Variants in TMPRSS9 observed in about 807,000 individuals in gnomAD.
The protein encoded by TMPRSS9 is transmembrane protease serine 9.
In TMPRSS9, 113 loss-of-function variants were observed where a neutral mutation model predicts 111.4. The observed-to-expected ratio is 1.01, with a 90% CI of 0.87 to 1.19. The LOEUF (loss-of-function observed/expected upper bound fraction) is 1.19, where lower values mean the gene tolerates loss of function less well. TMPRSS9 is among the 50% of genes most tolerant of loss of function. TMPRSS9 has a pLI of 0.00. For missense variants in TMPRSS9, 1,803 were observed against 1,513.1 expected, an observed-to-expected ratio of 1.19 and a Z score of -3.18; for synonymous variants, 805 against 659.1, an observed-to-expected ratio of 1.22 and a Z score of -3.39.
chr19:2,380,211 G>T (rs752961183), intron 1 of TMPRSS9, among the ~76,000 whole-genome samples: 6 of 152,014 alleles, frequency 3.9e-5, no homozygotes, highest in African/African-American at 7.3e-5. Flanking sequence ...TTGAGCCCAA[G>T]AAATCGAGGC....
At chr19:2,381,993 C>G (rs987499350) in intron 1 of TMPRSS9, among the ~76,000 whole-genome samples, 3 of 152,126 alleles carry the variant, frequency 2.0e-5, no homozygotes, top group African/African-American at 7.2e-5. Flanking sequence ...CAGGCGTGTG[C>G]CATCACGCCC....
rs1971335690 is a variant in TMPRSS9 at position 2,418,414 on chromosome 19, C to CTT, written c.2154+277_2154+278dup. Among the ~76,000 whole-genome samples the CTT allele has an allele frequency of 5.0e-5, 2 of 39,770 alleles. 1 individual carries two copies. The highest frequency in any genetic ancestry group is 2.7e-4 in the African/African-American group (2 of 7,348). The allele number at this position is 39,770 out of a possible 152,430, so 26.1% of individuals were successfully genotyped here. On this transcript the variant is annotated intron_variant, in intron 13 of 17. Transcript: ENST00000648592. ...CCCTCCCTGGCCTTTCCTTCCATTC[C>CTT]TTCCCTCCCTCCCTTTCCTTCCCTC...
At chr19:2,409,352 C>T (rs945574247) in intron 8 of TMPRSS9, among the ~76,000 whole-genome samples, 2 of 151,874 alleles carry the variant, frequency 1.3e-5, no homozygotes, top group Admixed American at 6.6e-5. Flanking sequence ...CCGTGTTGGC[C>T]GGGCTGGTCT....
chr19:2,403,170 C>T (rs760233546), exon 6 of TMPRSS9: 15 of 1,610,740 alleles, frequency 9.3e-6, no homozygotes, highest in South Asian at 4.5e-5. Flanking sequence ...AGGACTGCTC[C>T]GATGGGTCCG....
In TMPRSS9 at chr19:2,421,442, C is replaced by T. The variant is rs542625204; in HGVS notation, c.2155-412C>T. Among the ~76,000 whole-genome samples, 537 of 151,852 alleles carry T rather than the reference C, an allele frequency of 3.5e-3. 2 individuals are homozygous for T. Among genetic ancestry groups the T allele is most frequent in the Middle Eastern group, 6.8e-3 (2 of 294 alleles). Reference sequence around the variant, plus strand: ...TAGGTGGAACTACAGGCGCCCACCACCACGCCCAGCTAATTTTTGTATTTT... The same window carrying T: ...TAGGTGGAACTACAGGCGCCCACCATCACGCCCAGCTAATTTTTGTATTTT... On this transcript the variant is annotated intron_variant, in intron 13 of 17. Coordinates refer to ENST00000648592, the Ensembl canonical transcript of TMPRSS9.
At chr19:2,405,584 G>C (rs775155152) in intron 7 of TMPRSS9, 39 bp downstream of exon 8, 2 of 1,468,634 alleles carry the variant, frequency 1.4e-6, no homozygotes, top group Non-Finnish European at 1.8e-6. Flanking sequence ...CGAACCCTCT[G>C]TATTTCTCCT....
chr19:2,365,964 A>AAAAT (rs1048158811), intron 1 of TMPRSS9, among the ~76,000 whole-genome samples: 1 of 151,968 alleles, frequency 6.6e-6, no homozygotes, highest in Non-Finnish European at 1.5e-5. Flanking sequence ...ATTCTGTCTC[A>AAAAT]AAATAAATAA....
At chr19:2,420,286 C>T (rs62122261) in intron 13 of TMPRSS9, among the ~76,000 whole-genome samples, 24,298 of 151,890 alleles carry the variant, frequency 0.16, 2,193 homozygotes, top group Middle Eastern at 0.2. Context: ...TAAAAAACTA[C>T]AAGAATTTAG....
chr19:2,413,687 G>T lies in TMPRSS9; in HGVS notation c.1255-13G>T, dbSNP rs377447308. 2 of 1,592,674 alleles carry T rather than the reference G, an allele frequency of 1.3e-6. No individual in the cohort carries two copies. The highest frequency in any genetic ancestry group is 1.1e-5 in the South Asian group (1 of 90,444). On this transcript the variant is annotated splice_polypyrimidine_tract_variant and intron_variant, in intron 9 of 17. Coordinates refer to ENST00000648592, the Ensembl canonical transcript of TMPRSS9. ...CTGCCGACCCATCCTGAGGGTGTGTGTTGGTTTCCTAGGGTGACTCAGGAG... is the reference window on the plus strand; with the variant it reads ...CTGCCGACCCATCCTGAGGGTGTGTTTTGGTTTCCTAGGGTGACTCAGGAG...
chr19:2,369,970 G>A (rs1970276171), intron 1 of TMPRSS9, among the ~76,000 whole-genome samples: 1 of 152,066 alleles, frequency 6.6e-6, no homozygotes, highest in Non-Finnish European at 1.5e-5. Flanking sequence ...CACTTTGGGA[G>A]GCCAAGGCTG....
At chr19:2,387,003 C>T (rs999976029), upstream of TMPRSS9, among the ~76,000 whole-genome samples, 3 of 152,010 alleles carry the variant, frequency 2.0e-5, no homozygotes, top group South Asian at 2.1e-4. Flanking sequence ...GGAAGGTTGC[C>T]TGAGGCCAGG....
intron 9 of TMPRSS9, among the ~76,000 whole-genome samples, chr19:2,410,851 C>A (rs895549532): frequency 3.3e-5 from 5 of 152,150 alleles, no homozygotes; most frequent in Non-Finnish European, 7.4e-5. Context: ...TACAACGTGG[C>A]ACCCAAGAAA....
chr19:2,408,972 G>A (rs1971032971), intron 8 of TMPRSS9, among the ~76,000 whole-genome samples: 1 of 140,884 alleles, frequency 7.1e-6, no homozygotes, highest in South Asian at 2.3e-4. Context: ...CTGGGTGACA[G>A]TGGGAGGCTC....
At chr19:2,363,078 C>G (rs908883623) in intron 1 of TMPRSS9, among the ~76,000 whole-genome samples, 1 of 152,178 alleles carries the variant, frequency 6.6e-6, no homozygotes, top group African/African-American at 2.4e-5. Flanking sequence ...AGCCTCACGC[C>G]GCCTGCTTGT....
In TMPRSS9 at chr19:2,418,297, TTCCC is replaced by T. The variant is rs369400980; in HGVS notation, c.2154+165_2154+168del. Among the ~76,000 whole-genome samples the T allele has an allele frequency of 3.1e-3, 163 of 53,098 alleles. 24 individuals are homozygous for T. The highest frequency in any genetic ancestry group is 0.028 in the East Asian group (42 of 1,500). 34.8% of individuals were successfully genotyped at this position (53,098 alleles called of 152,430 possible). A position where few individuals can be genotyped will look rare whatever the true frequency, so the allele number is the denominator to read the frequency against. The stretch of plus-strand genomic sequence containing the variant: ...CCCTCCTTTTCCTTTCCTCCTTTCC[TTCCC>T]TCCCTTTCCCTCCCTCCCTCCCTCC... On this transcript the variant is annotated intron_variant, in intron 13 of 17. Transcript: ENST00000648592.
At chr19:2,421,750 G>C (rs1415518211) in intron 13 of TMPRSS9, 104 bp from the exon 15 acceptor site, 3 of 1,295,062 alleles carry the variant, frequency 2.3e-6, no homozygotes, top group Non-Finnish European at 3.2e-6. Flanking sequence ...TCTGCCCCCC[G>C]CCCTCGATGG....
chr19:2,414,938 C>A (rs983479249), intron 10 of TMPRSS9, among the ~76,000 whole-genome samples: 1 of 143,064 alleles, frequency 7.0e-6, no homozygotes, highest in African/African-American at 2.7e-5. Context: ...TAGTTGCATT[C>A]CTATTTTTTT....
chr19:2,399,824 T>G (rs1970792529), intron 4 of TMPRSS9, among the ~76,000 whole-genome samples: 1 of 152,076 alleles, frequency 6.6e-6, no homozygotes, highest in East Asian at 1.9e-4. Flanking sequence ...TTCAAGCAAT[T>G]TTCCTGCCTC....
At chr19:2,401,944 G>T (rs1296718104) in intron 4 of TMPRSS9, 31 bp from the exon 6 acceptor site, 1 of 1,602,922 alleles carries the variant, frequency 6.2e-7, no homozygotes, top group African/African-American at 1.3e-5. Context: ...CGCTTATTCA[G>T]TGAGCTTCTA....
Sources: allele counts gnomAD v4.1 joint callset (sites outside exome capture counted in the v4.1 genomes callset), GRCh38; gene constraint gnomAD v4.1.1; transcripts MANE v1.5; gene names NCBI Gene and HGNC (gene_info 2026-07-23, HGNC 2026-07-21).